The following KCNT2 variants were observed in gnomAD, a reference collection of about 807,000 sequenced individuals.
KCNT2 encodes potassium sodium-activated channel subfamily T member 2, also known as potassium channel subfamily T member 2.
Under a neutral mutation model 153.8 loss-of-function variants are expected in KCNT2, and 67 were observed. The ratio of observed to expected loss-of-function variants is 0.44; its 90% CI spans 0.36 to 0.53. The LOEUF is 0.53. KCNT2 is among the 20% of genes least tolerant of loss of function. The pLI is 0.00. For synonymous variants in KCNT2, 500 were observed against 458.8 expected (o/e 1.09, Z -1.15); for missense variants, 975 against 1,354.8 (o/e 0.72, Z 4.40).
chr1:196,547,433 A>T (rs1657255163), intron 1 of KCNT2, among the ~76,000 whole-genome samples: 1 of 152,054 alleles, frequency 6.6e-6, no homozygotes, highest in Non-Finnish European at 1.5e-5. Context: ...GGATGTCTAA[A>T]GTTGAAACAT....
chr1:196,348,221 T>G (rs1373877994), intron 14 of KCNT2, among the ~76,000 whole-genome samples: 1 of 148,446 alleles, frequency 6.7e-6, no homozygotes, highest in Non-Finnish European at 1.5e-5. Flanking sequence ...AAAAAAAAAC[T>G]GAGTTTCATA....
chr1:196,566,587 G>A (rs1660141077), intron 1 of KCNT2, among the ~76,000 whole-genome samples: 1 of 151,992 alleles, frequency 6.6e-6, no homozygotes, highest in African/African-American at 2.4e-5. Context: ...TTAAGGTGGT[G>A]GGAGAGAGAA....
At position 196,308,228 on chromosome 1, in the gene KCNT2, G is replaced by T. The variant is rs76061654; in HGVS notation, c.2484-2883C>A. On this transcript the variant is annotated intron_variant, in intron 21 of 27. Transcript: ENST00000294725. ...ACTATAAAGCACGGCTCTAAGAGTT[G>T]TCTATGTAAGATTAACTCATGTAAT... is the stretch of plus-strand genomic sequence containing the variant. 5.3e-3 allele frequency among the ~76,000 whole-genome samples: 813 copies of T among 152,024 alleles called. 4 individuals carry two copies. Among genetic ancestry groups the T allele is most frequent in the African/African-American group, 0.018 (746 of 41,500 alleles).
At chr1:196,562,895 A>T (rs182647998) in intron 1 of KCNT2, among the ~76,000 whole-genome samples, 18 of 152,148 alleles carry the variant, frequency 1.2e-4, no homozygotes, top group Admixed American at 5.9e-4. Flanking sequence ...AAACTCTACC[A>T]TCTAAATATA....
chr1:196,331,687 T>C (rs113330166), intron 17 of KCNT2, among the ~76,000 whole-genome samples: 7,531 of 152,188 alleles, frequency 0.049, 280 homozygotes, highest in Non-Finnish European at 0.071. Context: ...TGGTTGTTCC[T>C]ATTTATAAAA....
In KCNT2 at chr1:196,396,637, A is replaced by G. The variant is rs150374777; in HGVS notation, c.1294+1926T>C. The stretch of plus-strand genomic sequence containing the variant: ...GATGCCTTCATCTTTACACAATGTA[A>G]AAAGAGATCCTCTGAAATGTAATCT... On this transcript the variant is annotated intron_variant, in intron 13 of 27. Coordinates refer to ENST00000294725, the MANE Select transcript of KCNT2 (RefSeq NM_198503.5). Among the ~76,000 whole-genome samples the G allele has an allele frequency of 4.6e-4, 70 of 151,766 alleles. No individual in the cohort carries two copies. The East Asian group carries it at 0.011, about 23-fold the overall frequency.
At chr1:196,254,357 A>C (rs1173347125) in intron 26 of KCNT2, among the ~76,000 whole-genome samples, 1 of 151,556 alleles carries the variant, frequency 6.6e-6, no homozygotes, top group Non-Finnish European at 1.5e-5. Flanking sequence ...AGGAAAAGCT[A>C]AATGATATAT....
Position 196,533,412 on chromosome 1 carries a change from A to G in KCNT2, c.96-41071T>C, listed in dbSNP as rs1655184839. ...CTCATAATGATGAGGATCATTTAAA[A>G]AGACAAATCTGATGATTCCAGAGAA... is the stretch of plus-strand genomic sequence containing the variant. On this transcript the variant is annotated intron_variant, in intron 1 of 27. Transcript: ENST00000294725. Among the ~76,000 whole-genome samples, 3 of 152,130 alleles carry G rather than the reference A, an allele frequency of 2.0e-5. No individual in the cohort carries two copies. In the South Asian group the frequency reaches 6.2e-4, roughly 32 times the overall value.
chr1:196,266,361 T>C (rs942352139), intron 25 of KCNT2, among the ~76,000 whole-genome samples: 7 of 152,184 alleles, frequency 4.6e-5, no homozygotes, highest in South Asian at 2.1e-4. Flanking sequence ...CTTACTCTTA[T>C]GGAGGTGATT....
chr1:196,383,633 T>G (rs1669698729), intron 13 of KCNT2, among the ~76,000 whole-genome samples: 1 of 152,086 alleles, frequency 6.6e-6, no homozygotes, highest in African/African-American at 2.4e-5. Flanking sequence ...TCATCGGGAG[T>G]GATGACAGGG....
At chr1:196,390,922 T>G (rs991050132) in intron 13 of KCNT2, among the ~76,000 whole-genome samples, 1 of 146,944 alleles carries the variant, frequency 6.8e-6, no homozygotes, top group Non-Finnish European at 1.5e-5. Flanking sequence ...AAAAAACATA[T>G]GTTAGGAGAC....
chr1:196,586,537 C>A (rs1662701422), intron 1 of KCNT2, among the ~76,000 whole-genome samples: 1 of 152,044 alleles, frequency 6.6e-6, no homozygotes, highest in African/African-American at 2.4e-5. Context: ...TTATTCGTTT[C>A]TGTTATCATT....
At chr1:196,265,899 G>A (rs1451735151) in intron 25 of KCNT2, among the ~76,000 whole-genome samples, 2 of 152,058 alleles carry the variant, frequency 1.3e-5, no homozygotes, top group African/African-American at 4.8e-5. Flanking sequence ...TTGCCATCAG[G>A]GAGGCCCATA....
intron 14 of KCNT2, among the ~76,000 whole-genome samples, chr1:196,348,926 C>A (rs1048406617): frequency 6.6e-6 from 1 of 151,768 alleles, no homozygotes; most frequent in Non-Finnish European, 1.5e-5. Flanking sequence ...GCCTGTAATC[C>A]CAGCTACTCC....
At chr1:196,524,540 G>A (rs1294300908) in intron 1 of KCNT2, among the ~76,000 whole-genome samples, 1 of 152,010 alleles carries the variant, frequency 6.6e-6, no homozygotes, top group South Asian at 2.1e-4. Context: ...CAATGAGTGA[G>A]GTTATCAACA....
chr1:196,320,075 C>T (rs1013216391), intron 19 of KCNT2, among the ~76,000 whole-genome samples: 1 of 151,612 alleles, frequency 6.6e-6, no homozygotes, highest in Non-Finnish European at 1.5e-5. Flanking sequence ...TATATATGCT[C>T]ATGCAAAATA....
At chr1:196,386,408 G>A (rs188461348) in intron 13 of KCNT2, among the ~76,000 whole-genome samples, 1 of 152,228 alleles carries the variant, frequency 6.6e-6, no homozygotes, top group East Asian at 1.9e-4. Context: ...AAATTGCAAT[G>A]AGAACTGAGT....
At chr1:196,336,601 CCTA>C (rs1026807366) in intron 16 of KCNT2, among the ~76,000 whole-genome samples, 1 of 152,116 alleles carries the variant, frequency 6.6e-6, no homozygotes, top group African/African-American at 2.4e-5. Context: ...ACTGTCCAGA[CCTA>C]CTGTTTCTAA....
At chr1:196,327,926 C>T (rs1209865531) in intron 18 of KCNT2, among the ~76,000 whole-genome samples, 4 of 151,900 alleles carry the variant, frequency 2.6e-5, no homozygotes, top group African/African-American at 9.7e-5. Flanking sequence ...CACGAGCCAC[C>T]ATGCTCGGAC....
Sources: allele counts gnomAD v4.1 joint callset (sites outside exome capture counted in the v4.1 genomes callset), GRCh38; gene constraint gnomAD v4.1.1; transcripts MANE v1.5; gene names NCBI Gene and HGNC (gene_info 2026-07-23, HGNC 2026-07-21).